GALNT13: variants seen among roughly 807,000 people sequenced by gnomAD.
GALNT13 encodes the protein UDP-GalNAc:polypeptide N-acetylgalactosaminyltransferase 13.
Under a neutral mutation model 64.2 loss-of-function variants are expected in GALNT13, and 28 were observed. The observed-to-expected ratio is 0.44, with a 90% CI of 0.32 to 0.60. The LOEUF (loss-of-function observed/expected upper bound fraction) is 0.60. GALNT13 is among the 20% of genes least tolerant of loss of function. The pLI is 0.05. For synonymous variants in GALNT13, 214 were observed against 224.6 expected (o/e 0.95, Z 0.42); for missense variants, 577 against 669.8 (o/e 0.86, Z 1.53).
At chr2:153,302,150 C>T in the GALNT13 span, among the ~76,000 whole-genome samples, 1 of 152,044 alleles carries the variant, frequency 6.6e-6, no homozygotes, top group Non-Finnish European at 1.5e-5. Flanking sequence ...AATGGCTGTA[C>T]TAATTTATAT....
At chr2:154,375,665 G>A (rs1216785135) in intron 9 of GALNT13, among the ~76,000 whole-genome samples, 1 of 151,690 alleles carries the variant, frequency 6.6e-6, no homozygotes, top group Admixed American at 6.6e-5. Flanking sequence ...CACCTCATGG[G>A]GGTCAAGACA....
chr2:153,448,735 G>A, the GALNT13 span, among the ~76,000 whole-genome samples: 1 of 151,986 alleles, frequency 6.6e-6, no homozygotes, highest in South Asian at 2.1e-4. Flanking sequence ...ACACTTTTCA[G>A]GACCCCTTAC....
the GALNT13 span, chr2:153,477,506 C>G: frequency 1.3e-5 from 2 of 152,560 alleles, no homozygotes; most frequent in African/African-American, 4.8e-5. Context: ...CGCTAGACGC[C>G]TCCCAAAAGA....
the GALNT13 span, among the ~76,000 whole-genome samples, chr2:153,545,107 G>GA: frequency 4.4e-3 from 646 of 148,064 alleles, 7 homozygotes; most frequent in African/African-American, 0.015. Context: ...CAAAGACTCA[G>GA]AAAAAAAAAA....
chr2:153,437,937 T>C, the GALNT13 span, among the ~76,000 whole-genome samples: 3 of 152,254 alleles, frequency 2.0e-5, no homozygotes, highest in Non-Finnish European at 4.4e-5. Flanking sequence ...GTCTTTACAA[T>C]TGGCATGTTT....
chr2:154,172,708 G>GTTTC (rs1685429642), intron 4 of GALNT13, among the ~76,000 whole-genome samples: 1 of 151,590 alleles, frequency 6.6e-6, no homozygotes, highest in African/African-American at 2.4e-5. Flanking sequence ...TCACTTATCT[G>GTTTC]TTGATGGGCA....
intron 9 of GALNT13, among the ~76,000 whole-genome samples, chr2:154,330,700 C>G (rs1695121582): frequency 6.6e-6 from 1 of 152,020 alleles, no homozygotes; most frequent in South Asian, 2.1e-4. Context: ...TCACTCAGAC[C>G]ACGCTACACC....
chr2:154,019,971 A>G (rs1034524738), intron 3 of GALNT13, among the ~76,000 whole-genome samples: 6 of 151,680 alleles, frequency 4.0e-5, no homozygotes, highest in Non-Finnish European at 8.8e-5. Context: ...TTGTCCTTGC[A>G]ATAGTTTGCT....
the GALNT13 span, among the ~76,000 whole-genome samples, chr2:153,767,348 A>G: frequency 6.6e-6 from 1 of 152,078 alleles, no homozygotes; most frequent in African/African-American, 2.4e-5. Flanking sequence ...TATCCAATCA[A>G]TCTTTGATGG....
chr2:153,841,243 A>G, the GALNT13 span, among the ~76,000 whole-genome samples: 1 of 152,136 alleles, frequency 6.6e-6, no homozygotes, highest in Non-Finnish European at 1.5e-5. Flanking sequence ...CTCTATAGAA[A>G]TTCATCGTGT....
At position 153,920,275 on chromosome 2, in the gene GALNT13, A is replaced by G. The variant is rs375633606; in HGVS notation, c.-105+19268A>G. ...AATCAAAACAGGATGGTACTGGTAC[A>G]AAGACCAACACATAGACCAATGGAA... On this transcript the variant is annotated intron_variant, in intron 2 of 12. Coordinates refer to ENST00000392825, the MANE Select transcript of GALNT13 (RefSeq NM_052917.4). Among the ~76,000 whole-genome samples, 30 of 152,100 alleles carry G rather than the reference A, an allele frequency of 2.0e-4. No individual in the cohort carries two copies. The East Asian group carries it at 5.6e-3, about 28-fold the overall frequency.
the GALNT13 span, among the ~76,000 whole-genome samples, chr2:153,313,214 T>C: frequency 2.6e-5 from 4 of 152,322 alleles, no homozygotes; most frequent in East Asian, 3.9e-4. Flanking sequence ...ATATAAATCA[T>C]TCTATCATAA....
chr2:153,235,194 A>G, the GALNT13 span, among the ~76,000 whole-genome samples: 1 of 152,106 alleles, frequency 6.6e-6, no homozygotes, highest in Non-Finnish European at 1.5e-5. Flanking sequence ...ACATAACAAT[A>G]TTGAAATGAG....
the GALNT13 span, among the ~76,000 whole-genome samples, chr2:153,791,098 A>G: frequency 1.3e-5 from 2 of 152,178 alleles, no homozygotes; most frequent in African/African-American, 2.4e-5. Context: ...TACAAAATGG[A>G]GAAAATATTT....
At chr2:153,200,744 AG>A in the GALNT13 span, among the ~76,000 whole-genome samples, 30 of 152,348 alleles carry the variant, frequency 2.0e-4, no homozygotes, top group African/African-American at 7.2e-4. Context: ...AATCTCCATG[AG>A]AATGTTCTCT....
intron 9 of GALNT13, among the ~76,000 whole-genome samples, chr2:154,320,856 A>G (rs544265145): frequency 1.3e-5 from 2 of 152,328 alleles, no homozygotes; most frequent in African/African-American, 4.8e-5. Flanking sequence ...TTGACAATGA[A>G]CTTTATCCCA....
chr2:153,138,286 G>A, the GALNT13 span, among the ~76,000 whole-genome samples: 2 of 152,024 alleles, frequency 1.3e-5, no homozygotes, highest in African/African-American at 2.4e-5. Flanking sequence ...GAATCAACAT[G>A]AGAATTCCAT....
At chr2:153,293,642 G>C in the GALNT13 span, among the ~76,000 whole-genome samples, 6 of 152,234 alleles carry the variant, frequency 3.9e-5, no homozygotes, top group African/African-American at 1.4e-4. Flanking sequence ...TTAAATTTGT[G>C]CTAATTCATC....
At chr2:153,873,497 C>G (rs77977012) in intron 1 of GALNT13, among the ~76,000 whole-genome samples, 3,782 of 152,298 alleles carry the variant, frequency 0.025, 177 homozygotes, top group African/African-American at 0.086. Flanking sequence ...AGTGAGCAGG[C>G]AAACATAGAT....
Sources: gnomAD v4.1 joint callset for allele counts (sites outside exome capture counted in the v4.1 genomes callset) on GRCh38, gnomAD v4.1.1 for gene constraint, MANE v1.5 for transcripts, NCBI Gene and HGNC (gene_info 2026-07-23, HGNC 2026-07-21) for gene names.